COL5A2: variants seen among roughly 807,000 people sequenced by gnomAD.
COL5A2 encodes collagen alpha-2(V) chain.
A neutral mutation model predicts 208.2 loss-of-function variants in COL5A2; 23 were observed. The observed-to-expected ratio is 0.11, with a 90% CI of 0.08 to 0.16. The LOEUF (loss-of-function observed/expected upper bound fraction) is 0.16, where lower values mean the gene tolerates loss of function less well. Among genes scored for constraint, COL5A2 ranks in the 10% least tolerant of loss-of-function variants. The probability of loss-of-function intolerance (pLI) is 1.00; values close to 1 mark genes in which losing one functional copy is unlikely to be tolerated. For synonymous variants in COL5A2, 625 were observed against 628.5 expected (o/e 0.99, Z 0.08); for missense variants, 1,590 against 1,956.4 (o/e 0.81, Z 3.53).
chr2:189,128,327 C>T (rs1687647470), intron 1 of COL5A2, among the ~76,000 whole-genome samples: 1 of 151,910 alleles, frequency 6.6e-6, no homozygotes, highest in Non-Finnish European at 1.5e-5. Flanking sequence ...ATTATCTTTC[C>T]AAGCCATCCA....
the COL5A2 span, among the ~76,000 whole-genome samples, chr2:189,296,984 G>T: frequency 6.4e-3 from 973 of 152,286 alleles, 11 homozygotes; most frequent in African/African-American, 0.022. Flanking sequence ...TGCCTCTTCA[G>T]ACTAGTAAAA....
At chr2:189,240,506 C>G in the COL5A2 span, among the ~76,000 whole-genome samples, 1 of 152,188 alleles carries the variant, frequency 6.6e-6, no homozygotes, top group African/African-American at 2.4e-5. Context: ...TTTAGGGCTA[C>G]ACAAACATTT....
chr2:189,312,713 TG>T, the COL5A2 span, among the ~76,000 whole-genome samples: 1 of 152,158 alleles, frequency 6.6e-6, no homozygotes, highest in Non-Finnish European at 1.5e-5. Context: ...CTCCCTGAGA[TG>T]GACCTCCCAA....
At chr2:189,176,221 C>A (rs527865855) in intron 1 of COL5A2, among the ~76,000 whole-genome samples, 14 of 152,224 alleles carry the variant, frequency 9.2e-5, no homozygotes, top group African/African-American at 3.4e-4. Context: ...TGTAGGATTG[C>A]AACATGATGG....
At position 189,089,032 on chromosome 2, in the gene COL5A2, T is replaced by C. The variant is rs146768494; in HGVS notation, c.568-260A>G. On this transcript the variant is annotated intron_variant, in intron 7 of 53. Transcript: ENST00000374866. ...CTGAAACAGGGCAAATGTCTGATAC[T>C]TGATAAAAGCATGGATTGTTCTGAT... 4.6e-5 allele frequency among the ~76,000 whole-genome samples: 7 copies of C among 151,874 alleles called. No homozygotes were observed. In the East Asian group the frequency reaches 1.4e-3, roughly 29 times the overall value.
the COL5A2 span, among the ~76,000 whole-genome samples, chr2:189,417,550 T>A: frequency 2.6e-5 from 4 of 152,148 alleles, no homozygotes; most frequent in African/African-American, 4.8e-5. Flanking sequence ...TAATTGGAAC[T>A]GCATTTTAGT....
At chr2:189,130,997 T>C (rs1044095292) in intron 1 of COL5A2, among the ~76,000 whole-genome samples, 3 of 152,104 alleles carry the variant, frequency 2.0e-5, no homozygotes, top group Non-Finnish European at 4.4e-5. Flanking sequence ...TTACTAACCA[T>C]ACAATATGTC....
chr2:189,412,763 T>C, the COL5A2 span, among the ~76,000 whole-genome samples: 1 of 152,228 alleles, frequency 6.6e-6, no homozygotes, highest in Non-Finnish European at 1.5e-5. Context: ...CATTGTATTA[T>C]GTTACCTAGA....
intron 1 of COL5A2, among the ~76,000 whole-genome samples, chr2:189,218,174 T>C (rs1320480018): frequency 1.3e-5 from 2 of 152,216 alleles, no homozygotes; most frequent in East Asian, 1.9e-4. Flanking sequence ...GTTGCTGTTA[T>C]AGGTTTTCAT....
At chr2:189,155,227 A>G (rs1688221764) in intron 1 of COL5A2, among the ~76,000 whole-genome samples, 4 of 152,174 alleles carry the variant, frequency 2.6e-5, no homozygotes, top group Admixed American at 2.6e-4. Flanking sequence ...GACTCAAGCT[A>G]TCCTTCAACT....
At chr2:189,066,815 A>G in intron 21 of COL5A2, 33 bp from the exon 22 acceptor site, 1 of 1,555,738 alleles carries the variant, frequency 6.4e-7, no homozygotes, top group Non-Finnish European at 8.9e-7. Flanking sequence ...TGTAAGAACC[A>G]GGACATTTAG....
At chr2:189,200,480 G>A in intron 1 of COL5A2, among the ~76,000 whole-genome samples, 1 of 147,628 alleles carries the variant, frequency 6.8e-6, no homozygotes, top group South Asian at 2.2e-4. Context: ...TTATAGGGTA[G>A]CTAAGTAAGC....
At chr2:189,062,277 G>A (rs916883041) in intron 29 of COL5A2, among the ~76,000 whole-genome samples, 4 of 151,228 alleles carry the variant, frequency 2.6e-5, no homozygotes, top group Admixed American at 6.6e-5. Context: ...TCCGCCTCCC[G>A]GGTTCAAGTG....
intron 51 of COL5A2, among the ~76,000 whole-genome samples, chr2:189,038,951 A>G (rs905307629): frequency 2.0e-5 from 3 of 152,058 alleles, no homozygotes; most frequent in African/African-American, 7.2e-5. Flanking sequence ...GGCCTCCCAA[A>G]GTGCTGGGAT....
chr2:189,078,558 T>G lies in COL5A2; in HGVS notation c.1017A>C (p.Gly339=), dbSNP rs140609193. The G allele has an allele frequency of 6.0e-5, 96 of 1,612,550 alleles. No homozygotes were observed. The African/African-American group carries it at 1.2e-3, about 20-fold the overall frequency. ...MGAMGPLGPR[G]MPGERGRLGP... ...CAAGTCTCCCTCTCTCTCCTGGCAT[T>G]CCCCTCGGACCCTATAGACGATAGA... The change falls in exon 16 of 54, where the codon GGA becomes GGC. Residue 339 remains glycine, a synonymous_variant. Coordinates refer to ENST00000374866, the MANE Select transcript of COL5A2 (RefSeq NM_000393.5).
In COL5A2 at chr2:189,130,055, C is replaced by T. The variant is rs111720085; in HGVS notation, c.98-19606G>A. ...CCTTCAGTTTGATTCAACAAAAATG[C>T]GTTTTCTGTCTTCTCCATGCCAGAC... is the stretch of plus-strand genomic sequence containing the variant. On this transcript the variant is annotated intron_variant, in intron 1 of 53. Coordinates refer to ENST00000374866, the MANE Select transcript of COL5A2 (RefSeq NM_000393.5). Among the ~76,000 whole-genome samples, 110 of 152,112 alleles carry T rather than the reference C, an allele frequency of 7.2e-4. 3 individuals are homozygous for T. Among genetic ancestry groups the T allele is most frequent in the African/African-American group, 2.3e-3 (96 of 41,540 alleles).
chr2:189,189,113 T>C (rs976221242), intron 1 of COL5A2, among the ~76,000 whole-genome samples: 6 of 152,228 alleles, frequency 3.9e-5, no homozygotes, highest in African/African-American at 1.4e-4. Flanking sequence ...ATTTCTGTTG[T>C]ATTTTTGTGT....
the COL5A2 span, among the ~76,000 whole-genome samples, chr2:189,375,587 A>G: frequency 6.6e-6 from 1 of 152,196 alleles, no homozygotes; most frequent in African/African-American, 2.4e-5. Flanking sequence ...AGTTTGTCAA[A>G]TTAGGATAAT....
the COL5A2 span, among the ~76,000 whole-genome samples, chr2:189,245,065 AC>A: frequency 3.9e-5 from 6 of 151,924 alleles, no homozygotes; most frequent in Middle Eastern, 3.2e-3. Flanking sequence ...AGGAAGACCC[AC>A]CCCCATGATT....
Sources: gnomAD v4.1 joint callset for allele counts (sites outside exome capture counted in the v4.1 genomes callset) on GRCh38, gnomAD v4.1.1 for gene constraint, MANE v1.5 for transcripts, NCBI Gene and HGNC (gene_info 2026-07-23, HGNC 2026-07-21) for gene names.